CFAP299: variants seen among roughly 807,000 people sequenced by gnomAD.
The protein encoded by CFAP299 is cilia and flagella associated protein 299.
Under a neutral mutation model 27.0 loss-of-function variants are expected in CFAP299, and 21 were observed. The observed-to-expected ratio is 0.78, with a 90% CI of 0.55 to 1.12. The LOEUF (loss-of-function observed/expected upper bound fraction) is 1.12. Among genes scored for constraint, CFAP299 ranks in the 50% most tolerant of loss-of-function variants. The probability of loss-of-function intolerance (pLI) is 0.00; values close to 1 mark genes in which losing one functional copy is unlikely to be tolerated. For synonymous variants in CFAP299, 104 were observed against 98.1 expected (o/e 1.06, Z -0.36); for missense variants, 310 against 276.6 (o/e 1.12, Z -0.86).
At chr4:80,735,209 T>A (rs557666530) in intron 3 of CFAP299, among the ~76,000 whole-genome samples, 1 of 152,292 alleles carries the variant, frequency 6.6e-6, no homozygotes, top group African/African-American at 2.4e-5. Flanking sequence ...TTGTGGCTAT[T>A]GTAAATTAGA....
At chr4:80,641,824 G>A (rs116811165) in intron 3 of CFAP299, among the ~76,000 whole-genome samples, 1 of 152,312 alleles carries the variant, frequency 6.6e-6, no homozygotes, top group East Asian at 1.9e-4. Flanking sequence ...AAACAAAGTG[G>A]CATGTGAGAT....
At chr4:80,689,650 C>G (rs1054762892) in intron 3 of CFAP299, among the ~76,000 whole-genome samples, 1 of 152,102 alleles carries the variant, frequency 6.6e-6, no homozygotes, top group Non-Finnish European at 1.5e-5. Flanking sequence ...AGCAAAATAA[C>G]CAGCTAACAT....
chr4:80,398,257 A>T (rs1417430506), intron 2 of CFAP299, among the ~76,000 whole-genome samples: 4 of 152,330 alleles, frequency 2.6e-5, no homozygotes, highest in African/African-American at 9.6e-5. Flanking sequence ...AAATGGCCAT[A>T]CTGCCCAAGG....
intron 1 of CFAP299, among the ~76,000 whole-genome samples, chr4:80,348,546 T>C (rs967228963): frequency 6.6e-6 from 1 of 152,164 alleles, no homozygotes; most frequent in African/African-American, 2.4e-5. Flanking sequence ...TCAACATCAC[T>C]GATCATTAGG....
chr4:80,812,490 A>G (rs894794378), intron 3 of CFAP299, among the ~76,000 whole-genome samples: 1 of 152,150 alleles, frequency 6.6e-6, no homozygotes, highest in Non-Finnish European at 1.5e-5. Flanking sequence ...TAGAAGCACT[A>G]AACTGTATTA....
chr4:80,459,056 C>T (rs188816131), intron 2 of CFAP299, among the ~76,000 whole-genome samples: 27 of 152,248 alleles, frequency 1.8e-4, no homozygotes, highest in Non-Finnish European at 3.1e-4. Flanking sequence ...TCACAGCTCA[C>T]TGCAACCTCA....
chr4:80,916,662 A>G (rs1331966343), intron 4 of CFAP299, among the ~76,000 whole-genome samples: 3 of 152,066 alleles, frequency 2.0e-5, no homozygotes, highest in East Asian at 1.9e-4. Flanking sequence ...TAAATCTCCT[A>G]TTTCTCCCAT....
intron 3 of CFAP299, among the ~76,000 whole-genome samples, chr4:80,777,405 CT>C (rs1726613018): frequency 1.3e-5 from 2 of 152,094 alleles, no homozygotes; most frequent in South Asian, 4.2e-4. Flanking sequence ...TGAAGTAGTC[CT>C]ATGCTTGCTT....
At position 80,513,556 on chromosome 4, in the gene CFAP299, T is replaced by C. The variant is rs191239536; in HGVS notation, c.243-69537T>C. 3.7e-3 allele frequency among the ~76,000 whole-genome samples: 566 copies of C among 152,244 alleles called. 1 individual carries two copies. Among genetic ancestry groups the C allele is most frequent in the Non-Finnish European group, 5.0e-3 (341 of 67,996 alleles). ...TTTTGGTTACTATTCAGTAGAGAAATGAACGTTTGGAAGCTATGCATTTGT... is the reference window on the plus strand; with the variant it reads ...TTTTGGTTACTATTCAGTAGAGAAACGAACGTTTGGAAGCTATGCATTTGT... On this transcript the variant is annotated intron_variant, in intron 2 of 5. Coordinates refer to ENST00000358105, the MANE Select transcript of CFAP299 (RefSeq NM_152770.3).
At chr4:80,613,270 A>G (rs1738093479) in intron 3 of CFAP299, among the ~76,000 whole-genome samples, 1 of 152,132 alleles carries the variant, frequency 6.6e-6, no homozygotes, top group Non-Finnish European at 1.5e-5. Flanking sequence ...GAAAGAGTCC[A>G]TAGAAATGCT....
At chr4:80,695,948 C>T (rs1721061185) in intron 3 of CFAP299, among the ~76,000 whole-genome samples, 2 of 152,094 alleles carry the variant, frequency 1.3e-5, no homozygotes, top group Non-Finnish European at 2.9e-5. Context: ...CAGCGCCCAG[C>T]TGTTTTCTTA....
At chr4:80,918,999 G>A (rs1430395955) in intron 4 of CFAP299, among the ~76,000 whole-genome samples, 2 of 152,080 alleles carry the variant, frequency 1.3e-5, no homozygotes, top group Non-Finnish European at 2.9e-5. Flanking sequence ...TCAATGAGAA[G>A]GGTGAAAGAA....
chr4:80,575,149 G>C (rs1049824412), intron 2 of CFAP299, among the ~76,000 whole-genome samples: 1 of 151,824 alleles, frequency 6.6e-6, no homozygotes, highest in African/African-American at 2.4e-5. Flanking sequence ...ACTTTTTATT[G>C]GTCTGTTTAT....
chr4:80,542,625 G>T (rs1482773610), intron 2 of CFAP299, among the ~76,000 whole-genome samples: 1 of 152,096 alleles, frequency 6.6e-6, no homozygotes, highest in African/African-American at 2.4e-5. Flanking sequence ...GGGCAAGTCT[G>T]ATCTGCACTC....
intron 3 of CFAP299, among the ~76,000 whole-genome samples, chr4:80,751,067 G>T (rs533822170): frequency 8.3e-4 from 126 of 152,290 alleles, no homozygotes; most frequent in African/African-American, 2.9e-3. Context: ...TGCTGGAGAG[G>T]TGTTGTGGTC....
rs569390711 is a variant in CFAP299 at position 80,776,575 on chromosome 4, C to T, written c.334-93418C>T. Among the ~76,000 whole-genome samples the T allele has an allele frequency of 4.8e-4, 73 of 151,870 alleles. 1 individual carries two copies. The highest frequency in any genetic ancestry group is 1.6e-3 in the African/African-American group (66 of 41,434). On this transcript the variant is annotated intron_variant, in intron 3 of 5. Transcript: ENST00000358105. ...CACAGGGAGGGGAACATCACACACC[C>T]GGGCCTGTCGGGGGATGAGGGCAAG... is the stretch of plus-strand genomic sequence containing the variant.
intron 4 of CFAP299, among the ~76,000 whole-genome samples, chr4:80,882,138 A>G (rs1387139459): frequency 6.6e-6 from 1 of 152,204 alleles, no homozygotes; most frequent in African/African-American, 2.4e-5. Context: ...TATACGTGTT[A>G]TGGAAGTTAT....
chr4:80,334,468 G>C (rs1381554001), upstream of CFAP299, among the ~76,000 whole-genome samples: 1 of 152,074 alleles, frequency 6.6e-6, no homozygotes, highest in African/African-American at 2.4e-5. Flanking sequence ...AGTAGAGACG[G>C]AATTTCACCA....
intron 2 of CFAP299, among the ~76,000 whole-genome samples, chr4:80,453,734 G>C (rs1729007592): frequency 6.6e-6 from 1 of 151,174 alleles, no homozygotes; most frequent in Non-Finnish European, 1.5e-5. Flanking sequence ...TCAGCTACTC[G>C]GAAGGCCAAG....
Sources: allele counts gnomAD v4.1 joint callset (sites outside exome capture counted in the v4.1 genomes callset), GRCh38; gene constraint gnomAD v4.1.1; transcripts MANE v1.5; gene names NCBI Gene and HGNC (gene_info 2026-07-23, HGNC 2026-07-21).